The following PCCA variants were observed in gnomAD, a reference collection of about 807,000 sequenced individuals.
PCCA encodes the protein propionyl-CoA carboxylase subunit alpha.
In PCCA, 74 loss-of-function variants were observed where a neutral mutation model predicts 101.3. The observed-to-expected ratio is 0.73, with a 90% CI of 0.61 to 0.89. PCCA has a LOEUF of 0.89. Ranked by LOEUF, PCCA falls within the 40% of genes least tolerant of loss-of-function variation. The pLI, the probability that PCCA is intolerant of heterozygous loss-of-function variation, is 0.00. For missense variants in PCCA, 891 were observed against 907.0 expected, an observed-to-expected ratio of 0.98 and a Z score of 0.23; for synonymous variants, 294 against 313.6, an observed-to-expected ratio of 0.94 and a Z score of 0.66.
At chr13:100,439,753 C>T (rs1184877685) in intron 20 of PCCA, among the ~76,000 whole-genome samples, 1 of 151,926 alleles carries the variant, frequency 6.6e-6, no homozygotes, top group Non-Finnish European at 1.5e-5. Context: ...CTTTGTATGG[C>T]GTGATTTCTT....
intron 2 of PCCA, among the ~76,000 whole-genome samples, chr13:100,110,316 A>G (rs539162953): frequency 6.6e-5 from 10 of 152,342 alleles, no homozygotes; most frequent in Admixed American, 5.2e-4. Flanking sequence ...CATCCAAATT[A>G]CTTGGAATGG....
At chr13:100,523,054 CT>C (rs899044948) in intron 22 of PCCA, among the ~76,000 whole-genome samples, 1 of 152,020 alleles carries the variant, frequency 6.6e-6, no homozygotes, top group Non-Finnish European at 1.5e-5. Flanking sequence ...CCTGCACTTT[CT>C]TTGAGCGTTC....
chr13:100,464,909 C>T (rs1434735314), intron 21 of PCCA, among the ~76,000 whole-genome samples: 1 of 152,208 alleles, frequency 6.6e-6, no homozygotes, highest in Non-Finnish European at 1.5e-5. Flanking sequence ...GTTCTTTCTT[C>T]TACTGGCCTC....
chr13:100,359,644 T>C (rs2074345419), intron 18 of PCCA, among the ~76,000 whole-genome samples: 3 of 152,198 alleles, frequency 2.0e-5, no homozygotes, highest in African/African-American at 7.2e-5. Flanking sequence ...TAACGGAGCC[T>C]AATGATTGCA....
At chr13:100,456,951 G>C (rs6491560) in intron 21 of PCCA, among the ~76,000 whole-genome samples, 15,698 of 151,622 alleles carry the variant, frequency 0.1, 1,365 homozygotes, top group African/African-American at 0.24. Flanking sequence ...AAGAGACTCC[G>C]TTTCGCGGTC....
chr13:100,147,868 A>G (rs1037419353), intron 4 of PCCA, among the ~76,000 whole-genome samples: 5 of 152,260 alleles, frequency 3.3e-5, no homozygotes, highest in South Asian at 2.1e-4. Flanking sequence ...TGATGGATCT[A>G]TATAGTTTTT....
At chr13:100,243,172 A>C (rs1279418232) in intron 8 of PCCA, among the ~76,000 whole-genome samples, 1 of 152,234 alleles carries the variant, frequency 6.6e-6, no homozygotes, top group African/African-American at 2.4e-5. Flanking sequence ...CTGGGATTAC[A>C]AGTGTAAGCC....
At chr13:100,402,352 G>A (rs552516323) in intron 19 of PCCA, among the ~76,000 whole-genome samples, 7 of 151,862 alleles carry the variant, frequency 4.6e-5, no homozygotes, top group African/African-American at 1.4e-4. Context: ...ATGAAAGTGA[G>A]CCACGATGCT....
chr13:100,302,841 G>T (rs1315823542), intron 13 of PCCA, 83 bp from the exon 14 acceptor site: 2 of 820,112 alleles, frequency 2.4e-6, no homozygotes, highest in Admixed American at 1.7e-5. Context: ...ACCTATAAAT[G>T]GTTCTTCATT....
chr13:100,123,306 C>T lies in PCCA; in HGVS notation c.300+11245C>T, dbSNP rs367554894. On this transcript the variant is annotated intron_variant, in intron 4 of 23. Coordinates refer to ENST00000376285, the MANE Select transcript of PCCA (RefSeq NM_000282.4). ...CTGACCTCAGGTGATCCACCCTCCT[C>T]GGCTTCCCAAAGTGCTGGGATTACA... is the stretch of plus-strand genomic sequence containing the variant. Among the ~76,000 whole-genome samples the T allele has an allele frequency of 3.8e-4, 58 of 152,228 alleles. No homozygotes were observed. The East Asian group carries it at 7.5e-3, about 20-fold the overall frequency.
intron 21 of PCCA, among the ~76,000 whole-genome samples, chr13:100,458,421 GCGCACA>G (rs2081934840): frequency 1.0e-5 from 1 of 98,818 alleles, no homozygotes; most frequent in Non-Finnish European, 1.9e-5. Context: ...CCATCTCTGC[GCGCACA>G]CACACACACA....
At chr13:100,508,969 A>G (rs2152993907) in intron 21 of PCCA, among the ~76,000 whole-genome samples, 1 of 152,246 alleles carries the variant, frequency 6.6e-6, no homozygotes, top group East Asian at 1.9e-4. Flanking sequence ...TTAGTTCAGC[A>G]GTCAGACGTA....
chr13:100,291,125 G>A (rs955952584), intron 12 of PCCA, among the ~76,000 whole-genome samples: 2 of 152,072 alleles, frequency 1.3e-5, no homozygotes, highest in East Asian at 1.9e-4. Flanking sequence ...TAAAGTATAC[G>A]GAAAGGGCTG....
intron 4 of PCCA, among the ~76,000 whole-genome samples, chr13:100,141,682 AG>A (rs1269617660): frequency 1.3e-5 from 2 of 152,136 alleles, no homozygotes; most frequent in Non-Finnish European, 2.9e-5. Context: ...CAAAGTGCTA[AG>A]TTTACAGGCG....
intron 21 of PCCA, among the ~76,000 whole-genome samples, chr13:100,511,626 T>G (rs992076047): frequency 3.9e-5 from 6 of 152,212 alleles, no homozygotes; most frequent in Non-Finnish European, 8.8e-5. Flanking sequence ...GTGTCCTAAT[T>G]GTTACTGGAA....
chr13:100,360,284 A>G (rs1469558695), intron 18 of PCCA, among the ~76,000 whole-genome samples: 1 of 151,798 alleles, frequency 6.6e-6, no homozygotes, highest in East Asian at 1.9e-4. Flanking sequence ...CATCCCTCCC[A>G]TAACACGTGG....
At chr13:100,457,384 C>A (rs2081822066) in intron 21 of PCCA, among the ~76,000 whole-genome samples, 1 of 152,082 alleles carries the variant, frequency 6.6e-6, no homozygotes, top group Non-Finnish European at 1.5e-5. Flanking sequence ...ATGCTACTTG[C>A]TGGCTGACAA....
chr13:100,115,298 G>A (rs191892513), intron 4 of PCCA, among the ~76,000 whole-genome samples: 1 of 152,176 alleles, frequency 6.6e-6, no homozygotes, highest in African/African-American at 2.4e-5. Context: ...GGGAGGGGTG[G>A]GGATGATTAA....
intron 19 of PCCA, among the ~76,000 whole-genome samples, chr13:100,369,519 C>T (rs570125671): frequency 6.6e-6 from 1 of 152,262 alleles, no homozygotes; most frequent in East Asian, 1.9e-4. Context: ...GCCTACTGTG[C>T]ACCAGATCAG....
Sources: gnomAD v4.1 joint callset for allele counts (sites outside exome capture counted in the v4.1 genomes callset) on GRCh38, gnomAD v4.1.1 for gene constraint, MANE v1.5 for transcripts, NCBI Gene and HGNC (gene_info 2026-07-23, HGNC 2026-07-21) for gene names.